ZRANB3: variants seen among roughly 807,000 people sequenced by gnomAD.
ZRANB3 encodes the protein DNA annealing helicase and endonuclease ZRANB3.
Under a neutral mutation model 133.8 loss-of-function variants are expected in ZRANB3, and 125 were observed. The ratio of observed to expected loss-of-function variants is 0.93; its 90% CI spans 0.81 to 1.08. The LOEUF (loss-of-function observed/expected upper bound fraction) is 1.08, where lower values mean the gene tolerates loss of function less well. Ranked by LOEUF, ZRANB3 falls within the 50% of genes least tolerant of loss-of-function variation. The probability of loss-of-function intolerance (pLI) is 0.00; values close to 1 mark genes in which losing one functional copy is unlikely to be tolerated. For synonymous variants in ZRANB3, 387 were observed against 432.7 expected, an observed-to-expected ratio of 0.89 and a Z score of 1.31; for missense variants, 1,229 against 1,275.5, an observed-to-expected ratio of 0.96 and a Z score of 0.56.
chr2:135,316,906 C>T (rs912135133), intron 6 of ZRANB3, among the ~76,000 whole-genome samples: 3 of 145,470 alleles, frequency 2.1e-5, no homozygotes, highest in Admixed American at 1.5e-4. Context: ...GCAGAGGTTG[C>T]AGTGAGCCGA....
At chr2:135,224,563 A>C (rs1477141580) in intron 14 of ZRANB3, 46 bp from the exon 15 acceptor site, 1 of 1,388,612 alleles carries the variant, frequency 7.2e-7, no homozygotes, top group Non-Finnish European at 1.0e-6. Context: ...TCTACCCTCT[A>C]TCTAAAATAG....
In ZRANB3 at chr2:135,227,811, C is replaced by CCATT. The variant is rs1694815039; in HGVS notation, c.2155_2158dup (p.Gln721Ter). The CCATT allele has an allele frequency of 6.4e-7, 1 of 1,567,420 alleles. No homozygotes were observed. Among genetic ancestry groups the CCATT allele is most frequent in the Non-Finnish European group, 8.7e-7 (1 of 1,154,284 alleles). On this transcript the variant is annotated stop_gained and frameshift_variant and splice_region_variant. Coordinates refer to ENST00000264159, the MANE Select transcript of ZRANB3 (RefSeq NM_032143.4). LOFTEE classifies it high-confidence loss of function. ...ATGCTAGAAATGGAAACAAGACTTA[C>CCATT]CATTACCTGGCTGGGATGTAAGTCC...
In ZRANB3 at chr2:135,495,598, T is replaced by C. The variant is rs139460177; in HGVS notation, c.161+8731A>G. On this transcript the variant is annotated intron_variant, in intron 2 of 20. Transcript: ENST00000264159. ...AAAATATGTGACTCTAGGTAAAACA[T>C]ACATAAAAGTTATTCTCTATTTTTG... Among the ~76,000 whole-genome samples, 30 of 152,302 alleles carry C rather than the reference T, an allele frequency of 2.0e-4. No homozygotes were observed. The East Asian group carries it at 5.6e-3, about 28-fold the overall frequency.
At chr2:135,517,889 C>T (rs1387744397) in intron 1 of ZRANB3, among the ~76,000 whole-genome samples, 1 of 152,174 alleles carries the variant, frequency 6.6e-6, no homozygotes, top group African/African-American at 2.4e-5. Context: ...GTGCTCTGTC[C>T]CAGGAAGATG....
At chr2:135,484,844 G>C (rs1264388651) in intron 2 of ZRANB3, among the ~76,000 whole-genome samples, 1 of 151,802 alleles carries the variant, frequency 6.6e-6, no homozygotes, top group African/African-American at 2.4e-5. Flanking sequence ...GATCAGCCTG[G>C]TCAATACAGT....
rs932233350 is a variant in ZRANB3 at position 135,316,601 on chromosome 2, A to G, written c.678-1071T>C. Among the ~76,000 whole-genome samples, 11 of 152,218 alleles carry G rather than the reference A, an allele frequency of 7.2e-5. 1 individual carries two copies. Among genetic ancestry groups the G allele is most frequent in the Non-Finnish European group, 1.5e-4 (10 of 68,040 alleles). The stretch of plus-strand genomic sequence containing the variant: ...TAGCACAAATAGGTGTCAATTTGAG[A>G]AATGTGGAACTCGTTAACATTAGCT... On this transcript the variant is annotated intron_variant, in intron 6 of 20. Coordinates refer to ENST00000264159, the MANE Select transcript of ZRANB3 (RefSeq NM_032143.4).
chr2:135,250,070 T>C (rs951253688), intron 12 of ZRANB3, among the ~76,000 whole-genome samples: 2 of 152,192 alleles, frequency 1.3e-5, no homozygotes, highest in African/African-American at 2.4e-5. Context: ...AAAATGCTGA[T>C]AGCAATAGGG....
At chr2:135,319,000 T>C (rs1193066728) in intron 6 of ZRANB3, among the ~76,000 whole-genome samples, 4 of 152,226 alleles carry the variant, frequency 2.6e-5, no homozygotes, top group Admixed American at 2.0e-4. Context: ...GTAACATGAA[T>C]ATAATTCATG....
At chr2:135,233,336 T>C (rs949746251) in intron 12 of ZRANB3, among the ~76,000 whole-genome samples, 1 of 152,122 alleles carries the variant, frequency 6.6e-6, no homozygotes, top group Non-Finnish European at 1.5e-5. Flanking sequence ...CTGAAACTGA[T>C]GGGGAGAATG....
chr2:135,469,091 A>T (rs993910889), intron 2 of ZRANB3, among the ~76,000 whole-genome samples: 1 of 152,204 alleles, frequency 6.6e-6, no homozygotes, highest in African/African-American at 2.4e-5. Flanking sequence ...CTGAAGATAC[A>T]ATTCAAAACT....
At chr2:135,254,484 A>G (rs1679553242) in intron 12 of ZRANB3, among the ~76,000 whole-genome samples, 1 of 152,072 alleles carries the variant, frequency 6.6e-6, no homozygotes, top group Non-Finnish European at 1.5e-5. Flanking sequence ...GTCGTGGCTC[A>G]CGCCTATAAT....
intron 2 of ZRANB3, among the ~76,000 whole-genome samples, chr2:135,408,540 G>A (rs1439693355): frequency 6.6e-6 from 1 of 152,152 alleles, no homozygotes; most frequent in Non-Finnish European, 1.5e-5. Flanking sequence ...GTTTATTGCG[G>A]CACTATTCAC....
At chr2:135,329,964 T>G (rs969988335) in intron 6 of ZRANB3, among the ~76,000 whole-genome samples, 1 of 152,188 alleles carries the variant, frequency 6.6e-6, no homozygotes, top group African/African-American at 2.4e-5. Flanking sequence ...GCTGAGACAG[T>G]GGGGTTTTCT....
At chr2:135,413,705 C>A (rs970781437) in intron 2 of ZRANB3, among the ~76,000 whole-genome samples, 1 of 152,060 alleles carries the variant, frequency 6.6e-6, no homozygotes, top group Non-Finnish European at 1.5e-5. Context: ...ATTTGATACG[C>A]AACCAAGATA....
intron 6 of ZRANB3, among the ~76,000 whole-genome samples, chr2:135,336,313 A>T (rs1241429091): frequency 6.6e-6 from 1 of 151,996 alleles, no homozygotes; most frequent in Non-Finnish European, 1.5e-5. Flanking sequence ...CTGAAGCTTC[A>T]CTTAACTTAT....
Position 135,378,243 on chromosome 2 carries a change from A to G in ZRANB3, c.180+12559T>C, listed in dbSNP as rs563893117. On this transcript the variant is annotated intron_variant, in intron 3 of 20. Transcript: ENST00000264159. ...CACAGTGGCTGACACCTGTAATCCC[A>G]GCACTTTGGGAGGCTGAAGCAGGCG... Among the ~76,000 whole-genome samples the G allele has an allele frequency of 1.2e-4, 18 of 152,360 alleles. No homozygotes were observed. In the East Asian group the frequency reaches 3.5e-3, roughly 29 times the overall value.
chr2:135,403,365 C>G (rs1234170413), intron 2 of ZRANB3, among the ~76,000 whole-genome samples: 1 of 152,214 alleles, frequency 6.6e-6, no homozygotes, highest in Non-Finnish European at 1.5e-5. Context: ...GCTAGCACAG[C>G]AGTCTGAGAT....
At chr2:135,431,788 T>C (rs1032751068) in intron 2 of ZRANB3, among the ~76,000 whole-genome samples, 5 of 152,092 alleles carry the variant, frequency 3.3e-5, no homozygotes, top group African/African-American at 1.2e-4. Context: ...TGTCTAAAAT[T>C]AAAAGGACTT....
intron 2 of ZRANB3, among the ~76,000 whole-genome samples, chr2:135,487,485 C>A (rs1314533788): frequency 6.6e-6 from 1 of 152,196 alleles, no homozygotes. Flanking sequence ...GTATTTTCAT[C>A]CAATAGAAGC....
Sources: allele counts gnomAD v4.1 joint callset (sites outside exome capture counted in the v4.1 genomes callset), GRCh38; gene constraint gnomAD v4.1.1; transcripts MANE v1.5; gene names NCBI Gene and HGNC (gene_info 2026-07-23, HGNC 2026-07-21).